The following LNX2 variants were observed in gnomAD, a reference collection of about 807,000 sequenced individuals.
LNX2 encodes the protein ligand of Numb protein X 2.
In LNX2, 35 loss-of-function variants were observed where a neutral mutation model predicts 66.2. That is an observed-to-expected ratio of 0.53 (90% CI 0.40 to 0.70). The LOEUF is 0.70. LNX2 is among the 30% of genes least tolerant of loss of function. LNX2 has a pLI of 0.00. For missense variants in LNX2, 791 were observed against 850.8 expected, an observed-to-expected ratio of 0.93 and a Z score of 0.87; for synonymous variants, 337 against 315.6, an observed-to-expected ratio of 1.07 and a Z score of -0.72.
At position 27,569,253 on chromosome 13, in the gene LNX2, C is replaced by T; in HGVS notation, c.431G>A (p.Arg144Lys). The change falls in exon 3 of 10, where the codon AGA becomes AAA. Residue 144 changes from arginine to lysine, a missense_variant. Coordinates refer to ENST00000316334, the MANE Select transcript of LNX2 (RefSeq NM_153371.4). ...AGTTTTCCTTCTCTCCAGGGCAACT[C>T]TCCGATGAGAAGCTCCAGGACATCT... ...KNRCPGASHR[R>K]VALERRKTSR... 4 of 1,613,112 alleles carry T rather than the reference C, an allele frequency of 2.5e-6. No individual in the cohort carries two copies. The South Asian group carries it at 3.3e-5, about 13-fold the overall frequency.
chr13:27,603,211 A>G (rs1955677403), intron 1 of LNX2, among the ~76,000 whole-genome samples: 1 of 152,218 alleles, frequency 6.6e-6, no homozygotes, highest in Admixed American at 6.5e-5. Flanking sequence ...AATAATATAA[A>G]TTGAAAGATA....
chr13:27,587,124 T>C (rs1955495745), intron 1 of LNX2, among the ~76,000 whole-genome samples: 1 of 152,192 alleles, frequency 6.6e-6, no homozygotes, highest in Non-Finnish European at 1.5e-5. Context: ...AAAAAGACGA[T>C]GAGCTAAGAG....
In LNX2 at chr13:27,567,844, C is replaced by A; in HGVS notation, c.656-5G>T. 6.2e-7 allele frequency: 1 copy of A among 1,612,840 alleles called. No homozygotes were observed. The highest frequency in any genetic ancestry group is 8.5e-7 in the Non-Finnish European group (1 of 1,179,204). Reference sequence around the variant, plus strand: ...AACTAAGTGGCTGTTGTGTGGCTGCCAAGTTAAAAATGAGACAGACAAAAA... The same window carrying A: ...AACTAAGTGGCTGTTGTGTGGCTGCAAAGTTAAAAATGAGACAGACAAAAA... On this transcript the variant is annotated splice_region_variant and splice_polypyrimidine_tract_variant and intron_variant, in intron 3 of 9. Transcript: ENST00000316334.
chr13:27,558,355 C>T (rs770661716), intron 6 of LNX2, among the ~76,000 whole-genome samples: 2 of 151,914 alleles, frequency 1.3e-5, no homozygotes, highest in Admixed American at 6.6e-5. Context: ...TTCAGCATCA[C>T]TATTTAGAAC....
chr13:27,580,844 C>G (rs547972819), intron 2 of LNX2, among the ~76,000 whole-genome samples: 1 of 152,226 alleles, frequency 6.6e-6, no homozygotes, highest in South Asian at 2.1e-4. Flanking sequence ...TTTTAAATAA[C>G]TGATTCCAAT....
chr13:27,571,875 T>A (rs1955284980), intron 2 of LNX2, among the ~76,000 whole-genome samples: 1 of 152,182 alleles, frequency 6.6e-6, no homozygotes, highest in South Asian at 2.1e-4. Flanking sequence ...TTGTGCCAAT[T>A]ACTTACGTAA....
intron 1 of LNX2, among the ~76,000 whole-genome samples, chr13:27,584,200 C>A (rs749907699): frequency 1.3e-5 from 2 of 152,142 alleles, no homozygotes; most frequent in African/African-American, 4.8e-5. Context: ...CAAAATTCTC[C>A]AATCACGTAT....
intron 1 of LNX2, among the ~76,000 whole-genome samples, chr13:27,587,375 C>T (rs911087827): frequency 3.3e-5 from 5 of 152,158 alleles, no homozygotes; most frequent in African/African-American, 1.2e-4. Context: ...TCTGCCTCCC[C>T]TCCTCTTTGA....
At chr13:27,582,430 G>A (rs1450367840) in intron 1 of LNX2, among the ~76,000 whole-genome samples, 1 of 152,166 alleles carries the variant, frequency 6.6e-6, no homozygotes, top group Admixed American at 6.5e-5. Flanking sequence ...TTTACTGACT[G>A]AAATCCCCAA....
chr13:27,602,996 A>C (rs1389378584), intron 1 of LNX2, among the ~76,000 whole-genome samples: 1 of 152,184 alleles, frequency 6.6e-6, no homozygotes, highest in Non-Finnish European at 1.5e-5. Flanking sequence ...AATTTTATAT[A>C]TAACTTTAAA....
At chr13:27,553,516 A>G in intron 7 of LNX2, 77 bp from the exon 8 acceptor site, 1 of 1,091,624 alleles carries the variant, frequency 9.2e-7, no homozygotes, top group Middle Eastern at 2.2e-4. Context: ...TTATAAACTA[A>G]GCAACAAAAG....
At chr13:27,560,557 GTATGTGTGTATA>G (rs1955118798) in intron 5 of LNX2, among the ~76,000 whole-genome samples, 2 of 55,850 alleles carry the variant, frequency 3.6e-5, no homozygotes, top group Non-Finnish European at 6.8e-5. Flanking sequence ...GACTTTATAT[GTATGTGTGTATA>G]TATATATATA....
In LNX2 at chr13:27,606,508, C is replaced by T. The variant is rs116163634; in HGVS notation, c.-101+13867G>A. ...CATTAATTAAGGTGGGATCAGCAAACGAAAGGTGATCAAGTTAAATTTCAA... is the reference window on the plus strand; with the variant it reads ...CATTAATTAAGGTGGGATCAGCAAATGAAAGGTGATCAAGTTAAATTTCAA... On this transcript the variant is annotated intron_variant, in intron 1 of 9. Coordinates refer to ENST00000316334, the MANE Select transcript of LNX2 (RefSeq NM_153371.4). Among the ~76,000 whole-genome samples, 204 of 150,960 alleles carry T rather than the reference C, an allele frequency of 1.4e-3. 1 individual carries two copies. The highest frequency in any genetic ancestry group is 4.6e-3 in the African/African-American group (190 of 41,190).
chr13:27,609,985 TTA>T (rs1955757002), intron 1 of LNX2, among the ~76,000 whole-genome samples: 3 of 152,238 alleles, frequency 2.0e-5, no homozygotes, highest in Non-Finnish European at 4.4e-5. Flanking sequence ...GAAGTATCAA[TTA>T]ATACATCTCA....
chr13:27,590,530 G>C (rs1011643325), intron 1 of LNX2, among the ~76,000 whole-genome samples: 1 of 151,880 alleles, frequency 6.6e-6, no homozygotes, highest in African/African-American at 2.4e-5. Flanking sequence ...TCCCCAGCCC[G>C]GTTTTTTTTT....
chr13:27,603,470 C>G (rs981489858), intron 1 of LNX2, among the ~76,000 whole-genome samples: 11 of 152,174 alleles, frequency 7.2e-5, no homozygotes, highest in Admixed American at 3.3e-4. Flanking sequence ...ACAAGCAAAT[C>G]ACTCTTGGAT....
intron 2 of LNX2, among the ~76,000 whole-genome samples, chr13:27,575,510 A>G (rs1032249739): frequency 5.3e-5 from 8 of 152,142 alleles, no homozygotes; most frequent in African/African-American, 1.9e-4. Flanking sequence ...GAGGAAGAAG[A>G]AATTCATTCC....
intron 1 of LNX2, among the ~76,000 whole-genome samples, chr13:27,606,459 A>C (rs1025395778): frequency 1.3e-5 from 2 of 152,250 alleles, no homozygotes; most frequent in African/African-American, 2.4e-5. Flanking sequence ...CCAACAAAGA[A>C]GACCTCTGTT....
chr13:27,554,386 CTCTATACCCATCATT>C (rs1347824864), intron 7 of LNX2, among the ~76,000 whole-genome samples: 11 of 152,184 alleles, frequency 7.2e-5, no homozygotes, highest in Non-Finnish European at 1.2e-4. Context: ...TAATCACTCC[CTCTATACCCATCATT>C]TCCCTTCCCC....
Sources: gnomAD v4.1 joint callset for allele counts (sites outside exome capture counted in the v4.1 genomes callset) on GRCh38, gnomAD v4.1.1 for gene constraint, MANE v1.5 for transcripts, NCBI Gene and HGNC (gene_info 2026-07-23, HGNC 2026-07-21) for gene names.